GSTCD: variants seen among roughly 807,000 people sequenced by gnomAD.
GSTCD encodes the protein glutathione S-transferase C-terminal domain containing, also known as glutathione S-transferase C-terminal domain-containing protein.
GSTCD carries 44 observed loss-of-function variants against 68.3 expected under a neutral mutation model. That is an observed-to-expected ratio of 0.64 (90% CI 0.51 to 0.83). The LOEUF is 0.83. Ranked by LOEUF, GSTCD falls within the 40% of genes least tolerant of loss-of-function variation. The pLI is 0.00. For synonymous variants in GSTCD, 273 were observed against 255.2 expected (o/e 1.07, Z -0.67); for missense variants, 739 against 735.9 (o/e 1.00, Z -0.05).
intron 5 of GSTCD, among the ~76,000 whole-genome samples, chr4:105,732,475 G>T (rs778857744): frequency 1.8e-4 from 27 of 152,082 alleles, no homozygotes; most frequent in Non-Finnish European, 3.7e-4. Flanking sequence ...TAGTTTATTT[G>T]CATAGAGGTG....
chr4:105,840,219 A>G (rs1490064506), intron 10 of GSTCD: 1 of 455,642 alleles, frequency 2.2e-6, no homozygotes, highest in Admixed American at 2.4e-5. Flanking sequence ...TGACATTACC[A>G]TTATATAAAA....
intron 5 of GSTCD, among the ~76,000 whole-genome samples, chr4:105,782,773 G>A (rs1735329361): frequency 6.6e-6 from 1 of 151,930 alleles, no homozygotes; most frequent in African/African-American, 2.4e-5. Context: ...AATAGAGACG[G>A]GGTTTCACCA....
chr4:105,754,426 T>C (rs1454100341), intron 5 of GSTCD, among the ~76,000 whole-genome samples: 1 of 152,228 alleles, frequency 6.6e-6, no homozygotes, highest in Non-Finnish European at 1.5e-5. Context: ...TTATCAATAG[T>C]ATAATGTTTA....
At chr4:105,817,702 C>T (rs1260339260) in intron 5 of GSTCD, among the ~76,000 whole-genome samples, 1 of 151,840 alleles carries the variant, frequency 6.6e-6, no homozygotes, top group Non-Finnish European at 1.5e-5. Flanking sequence ...ATGTTGCTGA[C>T]TAATTTCATG....
chr4:105,825,135 T>TTGGTTG (rs1560848887), intron 7 of GSTCD, among the ~76,000 whole-genome samples: 12 of 149,014 alleles, frequency 8.1e-5, no homozygotes, highest in African/African-American at 3.0e-4. Context: ...TTGGTTGGTT[T>TTGGTTG]GTTTGTTTGT....
chr4:105,835,427 C>T (rs778216332), intron 9 of GSTCD, among the ~76,000 whole-genome samples: 3 of 152,164 alleles, frequency 2.0e-5, no homozygotes, highest in African/African-American at 4.8e-5. Context: ...CAGGCATCTC[C>T]AGGCACCAGC....
chr4:105,740,037 G>A (rs72671873), intron 5 of GSTCD, among the ~76,000 whole-genome samples: 6,779 of 152,168 alleles, frequency 0.045, 207 homozygotes, highest in Middle Eastern at 0.12. Flanking sequence ...GCATTGGACA[G>A]GGGTGGTTTG....
intron 1 of GSTCD, chr4:105,709,351 T>G (rs1732436814): frequency 6.6e-6 from 1 of 152,358 alleles, no homozygotes; most frequent in African/African-American, 2.4e-5. Flanking sequence ...TATTTGCTGT[T>G]AAGTGTTACT....
chr4:105,712,543 G>A (rs1192956669), intron 1 of GSTCD: 1 of 152,218 alleles, frequency 6.6e-6, no homozygotes, highest in Non-Finnish European at 1.5e-5. Flanking sequence ...TTTTGAGCAC[G>A]AGACATCTGA....
At position 105,722,117 on chromosome 4, in the gene GSTCD, TATG is replaced by T. The variant is rs1170867446; in HGVS notation, c.894+2593_894+2595del. 2.0e-5 allele frequency among the ~76,000 whole-genome samples: 3 copies of T among 152,122 alleles called. No homozygotes were observed. In the East Asian group the frequency reaches 5.8e-4, roughly 29 times the overall value. ...TATAAAATCTTGTAATTTGACCACT[TATG>T]ATTTAATTTTCTACATTTTAACTTC... On this transcript the variant is annotated intron_variant, in intron 3 of 11. Transcript: ENST00000515279.
At chr4:105,718,892 A>C (rs1732767927) in intron 2 of GSTCD, among the ~76,000 whole-genome samples, 168 bp from the exon 3 acceptor site, 1 of 152,172 alleles carries the variant, frequency 6.6e-6, no homozygotes, top group Non-Finnish European at 1.5e-5. Flanking sequence ...TCTTTTGCTT[A>C]ATGTTTTTAC....
At chr4:105,830,335 A>G (rs1723843148) in intron 8 of GSTCD, among the ~76,000 whole-genome samples, 1 of 152,184 alleles carries the variant, frequency 6.6e-6, no homozygotes, top group East Asian at 1.9e-4. Flanking sequence ...CAGTGAAACA[A>G]TATCTCGAAA....
chr4:105,734,723 G>A (rs1277203476), intron 5 of GSTCD, among the ~76,000 whole-genome samples: 3 of 152,198 alleles, frequency 2.0e-5, no homozygotes, highest in Non-Finnish European at 4.4e-5. Context: ...TTGCTGGGTA[G>A]GAGCTGCATT....
chr4:105,838,452 T>A (rs929482513), intron 10 of GSTCD, among the ~76,000 whole-genome samples: 3 of 152,272 alleles, frequency 2.0e-5, no homozygotes, highest in African/African-American at 7.2e-5. Flanking sequence ...TTCCTCTCAT[T>A]GTCCTTGACA....
intron 5 of GSTCD, among the ~76,000 whole-genome samples, chr4:105,805,121 G>T (rs1166626083): frequency 6.6e-6 from 1 of 152,012 alleles, no homozygotes; most frequent in Non-Finnish European, 1.5e-5. Flanking sequence ...TATTGTAAAA[G>T]GGTGTTAAAA....
chr4:105,820,348 A>G (rs1439886664), intron 5 of GSTCD, among the ~76,000 whole-genome samples: 1 of 151,830 alleles, frequency 6.6e-6, no homozygotes, highest in East Asian at 1.9e-4. Flanking sequence ...AAATGACATC[A>G]TTTGTATTAA....
intron 5 of GSTCD, among the ~76,000 whole-genome samples, chr4:105,809,058 T>C (rs948414885): frequency 2.6e-5 from 4 of 152,100 alleles, no homozygotes; most frequent in Admixed American, 2.6e-4. Context: ...GTAAAAGTTA[T>C]TGACTTAATA....
intron 3 of GSTCD, among the ~76,000 whole-genome samples, chr4:105,721,882 A>G (rs865913542): frequency 6.6e-6 from 1 of 152,102 alleles, no homozygotes; most frequent in Non-Finnish European, 1.5e-5. Context: ...CCCCCATTCA[A>G]TTTATTTGCT....
rs370975640 is a variant in GSTCD, at chr4:105,720,980, CT to C, written c.894+1463del. Among the ~76,000 whole-genome samples the C allele has an allele frequency of 9.2e-3, 1,348 of 146,184 alleles. 15 individuals carry two copies. The highest frequency in any genetic ancestry group is 0.03 in the African/African-American group (1,194 of 39,914). Reference sequence around the variant, plus strand: ...TTGTATTTTTACTGGATTTTTTTTTCTTTTTTTTTTGAGATGGAGTCTCGCT... The same window carrying C: ...TTGTATTTTTACTGGATTTTTTTTTCTTTTTTTTTGAGATGGAGTCTCGCT... On this transcript the variant is annotated intron_variant, in intron 3 of 11. Transcript: ENST00000515279.
Sources: gnomAD v4.1 joint callset for allele counts (sites outside exome capture counted in the v4.1 genomes callset) on GRCh38, gnomAD v4.1.1 for gene constraint, MANE v1.5 for transcripts, NCBI Gene and HGNC (gene_info 2026-07-23, HGNC 2026-07-21) for gene names.